ARHGAP10: variants seen among roughly 807,000 people sequenced by gnomAD.
ARHGAP10 encodes the protein rho GTPase-activating protein 10.
In ARHGAP10, 87 loss-of-function variants were observed where a neutral mutation model predicts 108.6. The ratio of observed to expected loss-of-function variants is 0.80; its 90% CI spans 0.67 to 0.96. The LOEUF (loss-of-function observed/expected upper bound fraction) is 0.96, where lower values mean the gene tolerates loss of function less well. ARHGAP10 is among the 40% of genes least tolerant of loss of function. The probability of loss-of-function intolerance (pLI) is 0.00; values close to 1 mark genes in which losing one functional copy is unlikely to be tolerated. For missense variants in ARHGAP10, 939 were observed against 954.5 expected (o/e 0.98, Z 0.21); for synonymous variants, 347 against 341.1 (o/e 1.02, Z -0.19).
chr4:147,829,055 A>T (rs1334877335), intron 3 of ARHGAP10, among the ~76,000 whole-genome samples: 6 of 136,414 alleles, frequency 4.4e-5, no homozygotes, highest in Admixed American at 1.4e-4. Flanking sequence ...ATTTTTTTGT[A>T]TTTTTTTTTT....
chr4:147,753,221 CCTT>C (rs1729232504), intron 1 of ARHGAP10, among the ~76,000 whole-genome samples: 1 of 152,196 alleles, frequency 6.6e-6, no homozygotes. Context: ...GAATGTCCAA[CCTT>C]CTTACACCAT....
chr4:147,931,272 GCTAA>G (rs1318934105), intron 13 of ARHGAP10, among the ~76,000 whole-genome samples: 2 of 150,344 alleles, frequency 1.3e-5, no homozygotes, highest in Admixed American at 6.6e-5. Context: ...CCTTTTGTTT[GCTAA>G]CTATCAGAAC....
At chr4:147,797,205 AT>A (rs1036788097) in intron 1 of ARHGAP10, among the ~76,000 whole-genome samples, 70 of 150,060 alleles carry the variant, frequency 4.7e-4, no homozygotes, top group Admixed American at 1.5e-3. Context: ...AAGTTATTCA[AT>A]TTTTTTTTTC....
At chr4:148,020,545 TG>T (rs67614445) in intron 18 of ARHGAP10, among the ~76,000 whole-genome samples, 8,643 of 150,318 alleles carry the variant, frequency 0.057, 358 homozygotes, top group South Asian at 0.18. Context: ...ATGCGTTTTT[TG>T]TTTTTTTTTT....
At chr4:147,783,686 GAACACATTAAATTATGTATTGTATAA>G in intron 1 of ARHGAP10, among the ~76,000 whole-genome samples, 1 of 127,196 alleles carries the variant, frequency 7.9e-6, no homozygotes, top group Non-Finnish European at 1.5e-5. Flanking sequence ...ATAATTTATA[GAACACATTAAATTATGTATTGTATAA>G]TTTATAGAAC....
At chr4:147,921,655 T>A (rs1195095075) in intron 13 of ARHGAP10, among the ~76,000 whole-genome samples, 2 of 152,170 alleles carry the variant, frequency 1.3e-5, no homozygotes, top group African/African-American at 4.8e-5. Context: ...TTTCATTGTG[T>A]CAGAAGCCAA....
intron 10 of ARHGAP10, among the ~76,000 whole-genome samples, chr4:147,882,774 A>G (rs894261478): frequency 1.1e-4 from 16 of 152,110 alleles, no homozygotes; most frequent in African/African-American, 3.6e-4. Context: ...TAGAAGAGAA[A>G]ATTTTGTTCA....
chr4:147,936,301 G>A lies in ARHGAP10; in HGVS notation c.1229-3524G>A, dbSNP rs192629152. Among the ~76,000 whole-genome samples the A allele has an allele frequency of 3.7e-3, 551 of 150,138 alleles. 2 individuals carry two copies. The highest frequency in any genetic ancestry group is 0.011 in the South Asian group (54 of 4,730). On this transcript the variant is annotated intron_variant, in intron 13 of 22. Coordinates refer to ENST00000336498, the MANE Select transcript of ARHGAP10 (RefSeq NM_024605.4). ...TTTCCAACTCCTGGCAGGGCTGTGCGGCCTCCTTTTCCTCTCTTTTTTTTT... is the reference window on the plus strand; with the variant it reads ...TTTCCAACTCCTGGCAGGGCTGTGCAGCCTCCTTTTCCTCTCTTTTTTTTT...
At chr4:147,814,889 T>C (rs1372538198) in intron 1 of ARHGAP10, among the ~76,000 whole-genome samples, 2 of 152,098 alleles carry the variant, frequency 1.3e-5, no homozygotes, top group African/African-American at 4.8e-5. Context: ...GTTCTGGGGG[T>C]TTGGATTTCA....
At chr4:147,742,082 G>T (rs1203056012) in intron 1 of ARHGAP10, among the ~76,000 whole-genome samples, 2 of 152,006 alleles carry the variant, frequency 1.3e-5, no homozygotes, top group Non-Finnish European at 2.9e-5. Flanking sequence ...ATGGTGAGAT[G>T]TGTGGCTGGA....
At chr4:147,874,135 G>A (rs775161297) in intron 7 of ARHGAP10, among the ~76,000 whole-genome samples, 4 of 151,974 alleles carry the variant, frequency 2.6e-5, no homozygotes, top group Admixed American at 6.6e-5. Context: ...ATTTTGCCAC[G>A]CTTAGGACCC....
intron 17 of ARHGAP10, among the ~76,000 whole-genome samples, chr4:147,965,918 T>A (rs1441016600): frequency 6.6e-6 from 1 of 150,716 alleles, no homozygotes; most frequent in Non-Finnish European, 1.5e-5. Flanking sequence ...CAAAGCAGAG[T>A]AAGGGGACAG....
intron 3 of ARHGAP10, among the ~76,000 whole-genome samples, chr4:147,830,785 GT>G (rs377622821): frequency 2.6e-4 from 39 of 152,310 alleles, no homozygotes; most frequent in African/African-American, 9.1e-4. Context: ...CTGCCAAAGT[GT>G]TGGGATTACA....
chr4:148,011,536 A>G (rs1330729498), intron 18 of ARHGAP10, among the ~76,000 whole-genome samples: 2 of 152,216 alleles, frequency 1.3e-5, no homozygotes, highest in African/African-American at 4.8e-5. Flanking sequence ...TCCAGCAAAC[A>G]AGCTAGAGAC....
chr4:147,984,242 C>T (rs895810760), intron 18 of ARHGAP10, among the ~76,000 whole-genome samples: 1 of 152,188 alleles, frequency 6.6e-6, no homozygotes, highest in Non-Finnish European at 1.5e-5. Context: ...GCATGAAAAG[C>T]GCCCTCCCCC....
chr4:147,835,129 T>C (rs755372273), intron 3 of ARHGAP10, among the ~76,000 whole-genome samples: 5 of 152,186 alleles, frequency 3.3e-5, no homozygotes, highest in Admixed American at 1.3e-4. Context: ...GTGCCTACTA[T>C]GAGCCACCGT....
chr4:147,781,917 A>G lies in ARHGAP10; in HGVS notation c.155-40810A>G, dbSNP rs976183477. Among the ~76,000 whole-genome samples, 3 of 152,138 alleles carry G rather than the reference A, an allele frequency of 2.0e-5. 1 individual carries two copies. Among genetic ancestry groups the G allele is most frequent in the African/African-American group, 7.2e-5 (3 of 41,420 alleles). On this transcript the variant is annotated intron_variant, in intron 1 of 22. Coordinates refer to ENST00000336498, the MANE Select transcript of ARHGAP10 (RefSeq NM_024605.4). ...ACATATTGCTAAACTCTAGGTATCT[A>G]TTTTAAATCTGAGTTTCCACATTGG... is the stretch of plus-strand genomic sequence containing the variant.
At chr4:147,873,889 A>AGG (rs1441684460) in intron 7 of ARHGAP10, among the ~76,000 whole-genome samples, 414 of 147,552 alleles carry the variant, frequency 2.8e-3, no homozygotes, top group Middle Eastern at 3.4e-3. Flanking sequence ...AAAAAAAAAA[A>AGG]GGGGGGATAA....
chr4:147,755,242 T>A (rs974550182), intron 1 of ARHGAP10, among the ~76,000 whole-genome samples: 6 of 152,174 alleles, frequency 3.9e-5, no homozygotes, highest in Non-Finnish European at 8.8e-5. Flanking sequence ...CTCATTAAAA[T>A]TTTTACTTAT....
Sources: gnomAD v4.1 joint callset for allele counts (sites outside exome capture counted in the v4.1 genomes callset) on GRCh38, gnomAD v4.1.1 for gene constraint, MANE v1.5 for transcripts, NCBI Gene and HGNC (gene_info 2026-07-23, HGNC 2026-07-21) for gene names.